GATB: variants seen among roughly 807,000 people sequenced by gnomAD.
GATB encodes the protein glutamyl-tRNA amidotransferase subunit B.
A neutral mutation model predicts 62.3 loss-of-function variants in GATB; 39 were observed. The observed-to-expected ratio is 0.63, with a 90% CI of 0.48 to 0.82. The LOEUF is 0.82. Ranked by LOEUF, GATB falls within the 40% of genes least tolerant of loss-of-function variation. The pLI is 0.00. For synonymous variants in GATB, 276 were observed against 258.9 expected (o/e 1.07, Z -0.63); for missense variants, 670 against 684.0 (o/e 0.98, Z 0.23).
chr4:151,748,497 A>G, intron 2 of GATB, among the ~76,000 whole-genome samples: 1 of 152,212 alleles, frequency 6.6e-6, no homozygotes, highest in East Asian at 1.9e-4. Flanking sequence ...TTTACACCTT[A>G]TACAAAAATT....
intron 2 of GATB, among the ~76,000 whole-genome samples, chr4:151,746,935 T>C (rs1739612674): frequency 6.6e-6 from 1 of 151,516 alleles, no homozygotes; most frequent in Admixed American, 6.6e-5. Flanking sequence ...AGCAAGAAAA[T>C]CCCCTGGGGC....
At chr4:151,692,797 A>G (rs1738392285) in intron 9 of GATB, among the ~76,000 whole-genome samples, 1 of 152,212 alleles carries the variant, frequency 6.6e-6, no homozygotes, top group Non-Finnish European at 1.5e-5. Context: ...TCTCATACCA[A>G]TTGAGCATAT....
intron 2 of GATB, among the ~76,000 whole-genome samples, chr4:151,725,515 T>G (rs1439538421): frequency 6.6e-6 from 1 of 152,262 alleles, no homozygotes; most frequent in Non-Finnish European, 1.5e-5. Flanking sequence ...ACTGAACATT[T>G]TGTGGACACC....
chr4:151,732,261 C>T lies in GATB; in HGVS notation c.328-12723G>A, dbSNP rs1003227456. ...TGAGAATGGGCCATGATGACGATGG[C>T]GGTTTTGTGGAATAGAAAAGGGGGA... On this transcript the variant is annotated intron_variant, in intron 2 of 12. Coordinates refer to ENST00000263985, the MANE Select transcript of GATB (RefSeq NM_004564.3). Among the ~76,000 whole-genome samples, 8 of 152,094 alleles carry T rather than the reference C, an allele frequency of 5.3e-5. 1 individual carries two copies. The highest frequency in any genetic ancestry group is 1.7e-4 in the African/African-American group (7 of 41,454).
At chr4:151,753,106 C>G (rs1186603224) in intron 2 of GATB, among the ~76,000 whole-genome samples, 1 of 152,192 alleles carries the variant, frequency 6.6e-6, no homozygotes, top group Non-Finnish European at 1.5e-5. Flanking sequence ...GGGAAAAGAA[C>G]TGGGTAGGTC....
chr4:151,742,174 T>C (rs1864300), intron 2 of GATB, among the ~76,000 whole-genome samples: 88,152 of 150,890 alleles, frequency 0.58, 28,125 homozygotes, highest in African/African-American at 0.86. Flanking sequence ...CTGCAAGCTC[T>C]GCATCCCCGG....
At chr4:151,729,234 A>G (rs1273928569) in intron 2 of GATB, among the ~76,000 whole-genome samples, 1 of 152,206 alleles carries the variant, frequency 6.6e-6, no homozygotes. Flanking sequence ...AGGAGTAGAT[A>G]GTAAGATAAA....
chr4:151,692,852 G>C (rs1013121725), intron 9 of GATB, among the ~76,000 whole-genome samples: 1 of 152,228 alleles, frequency 6.6e-6, no homozygotes, highest in African/African-American at 2.4e-5. Flanking sequence ...AATAGGGTAA[G>C]TCCTACCTAA....
At chr4:151,733,789 T>C (rs939817596) in intron 2 of GATB, among the ~76,000 whole-genome samples, 6 of 152,096 alleles carry the variant, frequency 3.9e-5, no homozygotes, top group South Asian at 2.1e-4. Flanking sequence ...GCAGAATTGG[T>C]TTAACATATG....
intron 2 of GATB, among the ~76,000 whole-genome samples, chr4:151,742,330 C>T (rs377037090): frequency 4.5e-4 from 69 of 152,266 alleles, no homozygotes; most frequent in South Asian, 1.0e-3. Context: ...CCTCGTGATC[C>T]GCCTGCCTTG....
intron 2 of GATB, among the ~76,000 whole-genome samples, chr4:151,750,707 C>T (rs1739704838): frequency 6.6e-6 from 1 of 151,222 alleles, no homozygotes; most frequent in African/African-American, 2.4e-5. Flanking sequence ...GACTGGAGTG[C>T]CGTGGTACAC....
intron 11 of GATB, among the ~76,000 whole-genome samples, chr4:151,679,422 G>A (rs1324675148): frequency 1.3e-5 from 2 of 152,170 alleles, no homozygotes; most frequent in African/African-American, 2.4e-5. Context: ...AGGGACAAGG[G>A]AGCCCTGGGA....
chr4:151,725,174 T>A (rs115298790), intron 2 of GATB, among the ~76,000 whole-genome samples: 2,432 of 152,346 alleles, frequency 0.016, 25 homozygotes, highest in South Asian at 0.042. Context: ...CCATCCTCTA[T>A]CAGAGATGTT....
chr4:151,721,977 T>C (rs1475968947), intron 2 of GATB: 1 of 564,718 alleles, frequency 1.8e-6, no homozygotes, highest in Non-Finnish European at 3.1e-6. Flanking sequence ...GCTTTAATCT[T>C]TTTTTGATGA....
intron 2 of GATB, among the ~76,000 whole-genome samples, chr4:151,742,137 G>A (rs564693416): frequency 9.5e-4 from 140 of 147,162 alleles, no homozygotes; most frequent in Middle Eastern, 7.1e-3. Context: ...CGCCCAGGCC[G>A]GAGTGCAGTG....
At chr4:151,673,749 G>A (rs771295885) in intron 11 of GATB, 1 of 152,136 alleles carries the variant, frequency 6.6e-6, no homozygotes, top group East Asian at 1.9e-4. Flanking sequence ...GTCTTCTAGC[G>A]AAAGCCAGAA....
Position 151,707,875 on chromosome 4 carries a change from C to T in GATB, c.877+113G>A, listed in dbSNP as rs759513833. 4.3e-6 allele frequency: 3 copies of T among 694,582 alleles called. No individual in the cohort carries two copies. In the African/African-American group the frequency reaches 5.3e-5, roughly 12 times the overall value. The allele number at this position is 694,582 out of a possible 1,614,324, so 43.0% of individuals were successfully genotyped here. On this transcript the variant is annotated intron_variant, in intron 6 of 12. Coordinates refer to ENST00000263985, the MANE Select transcript of GATB (RefSeq NM_004564.3). ...CCGACACAGGACCAACAGAACGGAC[C>T]AGTGAAAACGAAAGTAGTTCTTGTG...
intron 1 of GATB, among the ~76,000 whole-genome samples, chr4:151,759,209 A>C (rs1201662375): frequency 1.3e-5 from 2 of 152,220 alleles, no homozygotes; most frequent in African/African-American, 4.8e-5. Flanking sequence ...TTGGCGTCTT[A>C]AAACAATTTA....
chr4:151,753,998 C>T (rs991991744), intron 2 of GATB, among the ~76,000 whole-genome samples: 36 of 152,156 alleles, frequency 2.4e-4, no homozygotes, highest in African/African-American at 8.7e-4. Context: ...AAAGGATACC[C>T]TTCTTAATAA....
Sources: gnomAD v4.1 joint callset for allele counts (sites outside exome capture counted in the v4.1 genomes callset) on GRCh38, gnomAD v4.1.1 for gene constraint, MANE v1.5 for transcripts, NCBI Gene and HGNC (gene_info 2026-07-23, HGNC 2026-07-21) for gene names.